Variants in ATP9A observed in about 807,000 individuals in gnomAD.
ATP9A encodes the protein ATPase phospholipid transporting 9A.
In ATP9A, 52 loss-of-function variants were observed where a neutral mutation model predicts 144.1. The ratio of observed to expected loss-of-function variants is 0.36; its 90% CI spans 0.29 to 0.45. ATP9A has a LOEUF of 0.45. Ranked by LOEUF, ATP9A falls within the 20% of genes least tolerant of loss-of-function variation. ATP9A has a pLI of 1.00. For synonymous variants in ATP9A, 582 were observed against 557.4 expected, an observed-to-expected ratio of 1.04 and a Z score of -0.62; for missense variants, 947 against 1,392.7, an observed-to-expected ratio of 0.68 and a Z score of 5.09.
chr20:51,757,269 C>T (rs2077860514), intron 1 of ATP9A, among the ~76,000 whole-genome samples: 1 of 152,120 alleles, frequency 6.6e-6, no homozygotes, highest in Non-Finnish European at 1.5e-5. Context: ...CCACCCACCT[C>T]GGCCTCCCAA....
rs958306562 is a variant in ATP9A, at chr20:51,673,806, T to C, written c.1037+347A>G. ...GGCTCACACCTACAATCCCAGTACC[T>C]TGGGAGGCTGAGTCAGGTAGATCAC... On this transcript the variant is annotated intron_variant, in intron 11 of 27. Transcript: ENST00000338821. 2.0e-5 allele frequency among the ~76,000 whole-genome samples: 3 copies of C among 151,982 alleles called. No homozygotes were observed. The East Asian group carries it at 5.8e-4, about 29-fold the overall frequency.
chr20:51,604,288 C>T (rs1030895340), intron 27 of ATP9A, among the ~76,000 whole-genome samples: 4 of 152,164 alleles, frequency 2.6e-5, no homozygotes, highest in East Asian at 3.9e-4. Flanking sequence ...GGTGCTCCCA[C>T]GTCTACGGAA....
rs889482741 is a variant in ATP9A, at chr20:51,626,896, A to C, written c.1845+704T>G. ...ATATGGTGAAACCCCATCTCTATTA[A>C]AAATACAAAAATTAGCCGGGCATGG... On this transcript the variant is annotated intron_variant, in intron 17 of 27. Coordinates refer to ENST00000338821, the MANE Select transcript of ATP9A (RefSeq NM_006045.3). Among the ~76,000 whole-genome samples the C allele has an allele frequency of 2.0e-5, 3 of 152,084 alleles. No individual in the cohort carries two copies. The South Asian group carries it at 6.2e-4, about 32-fold the overall frequency.
rs73911379 is a variant in ATP9A, at chr20:51,713,225, G to A, written c.328-151C>T. 606 of 674,344 alleles carry A rather than the reference G, an allele frequency of 9.0e-4. 4 individuals are homozygous for A. The highest frequency in any genetic ancestry group is 8.7e-3 in the African/African-American group (494 of 56,858). The allele number at this position is 674,344 out of a possible 1,614,324, so 41.8% of individuals were successfully genotyped here. A position where few individuals can be genotyped will look rare whatever the true frequency, so the allele number is the denominator to read the frequency against. ...GTGAGTTATTCCAAATGCACACGCC[G>A]CTGCAAGCCCCCTCTCTGAATCTGT... On this transcript the variant is annotated intron_variant, in intron 3 of 27. Transcript: ENST00000338821.
At chr20:51,682,753 G>A (rs1361029777) in intron 9 of ATP9A, among the ~76,000 whole-genome samples, 5 of 147,760 alleles carry the variant, frequency 3.4e-5, no homozygotes, top group East Asian at 2.1e-4. Flanking sequence ...CACCACACCC[G>A]GCTAATTTTT....
chr20:51,760,270 T>C (rs1172571921), intron 1 of ATP9A, among the ~76,000 whole-genome samples: 1 of 144,620 alleles, frequency 6.9e-6, no homozygotes, highest in Admixed American at 7.0e-5. Context: ...ACATTAAATA[T>C]GCGGTTTTTA....
chr20:51,671,469 T>C (rs2077455712), intron 11 of ATP9A, among the ~76,000 whole-genome samples: 1 of 152,182 alleles, frequency 6.6e-6, no homozygotes, highest in South Asian at 2.1e-4. Flanking sequence ...ACAAAGCTCA[T>C]GTTATGGACT....
intron 13 of ATP9A, among the ~76,000 whole-genome samples, chr20:51,666,623 T>A (rs2077433954): frequency 6.8e-6 from 1 of 147,130 alleles, no homozygotes; most frequent in Non-Finnish European, 1.5e-5. Context: ...GAGGTTGCAG[T>A]GAGCCGAGAT....
intron 1 of ATP9A, among the ~76,000 whole-genome samples, chr20:51,738,231 T>C (rs1356855525): frequency 2.0e-5 from 3 of 152,042 alleles, no homozygotes; most frequent in African/African-American, 7.2e-5. Flanking sequence ...GGTTTCACCA[T>C]GTTGGTCAGG....
At chr20:51,619,869 CAAAAAAAAA>C (rs564118011) in intron 19 of ATP9A, among the ~76,000 whole-genome samples, 1 of 83,906 alleles carries the variant, frequency 1.2e-5, no homozygotes. Context: ...AACTCTGTCT[CAAAAAAAAA>C]AAAAAAAAAA....
intron 9 of ATP9A, among the ~76,000 whole-genome samples, chr20:51,681,682 A>G (rs2077500383): frequency 6.6e-6 from 1 of 152,112 alleles, no homozygotes; most frequent in African/African-American, 2.4e-5. Context: ...TCAGCCTCCC[A>G]AAGTGCTGGG....
chr20:51,674,783 T>G (rs1243370410), intron 10 of ATP9A, among the ~76,000 whole-genome samples: 2 of 152,138 alleles, frequency 1.3e-5, no homozygotes, highest in Non-Finnish European at 2.9e-5. Flanking sequence ...ACACCAGTGG[T>G]GGCACCCGAT....
intron 1 of ATP9A, among the ~76,000 whole-genome samples, chr20:51,737,586 T>A (rs1033360431): frequency 4.6e-5 from 7 of 152,198 alleles, no homozygotes; most frequent in African/African-American, 1.7e-4. Flanking sequence ...AAGATACTAC[T>A]CACAGTATTA....
rs192174012 is a variant in ATP9A, at chr20:51,644,299, G to C, written c.1507-4795C>G. Among the ~76,000 whole-genome samples the C allele has an allele frequency of 1.5e-3, 188 of 128,680 alleles. 1 individual carries two copies. The highest frequency in any genetic ancestry group is 5.5e-3 in the African/African-American group (184 of 33,360). The allele number at this position is 128,680 out of a possible 152,430, so 84.4% of individuals were successfully genotyped here. On this transcript the variant is annotated intron_variant, in intron 14 of 27. Coordinates refer to ENST00000338821, the MANE Select transcript of ATP9A (RefSeq NM_006045.3). ...TTTTTTTTTTTTTTTTTGAGACGGAGTCTCACTCTTTTGCCCAGGTTGGAG... is the reference window on the plus strand; with the variant it reads ...TTTTTTTTTTTTTTTTTGAGACGGACTCTCACTCTTTTGCCCAGGTTGGAG...
intron 19 of ATP9A, among the ~76,000 whole-genome samples, chr20:51,619,283 G>A (rs1330096469): frequency 1.3e-5 from 2 of 152,198 alleles, no homozygotes; most frequent in African/African-American, 4.8e-5. Context: ...GCCTGTACTG[G>A]CCAAGCGCAG....
chr20:51,759,390 C>T (rs578135074), intron 1 of ATP9A, among the ~76,000 whole-genome samples: 12 of 152,286 alleles, frequency 7.9e-5, no homozygotes, highest in East Asian at 1.9e-4. Context: ...TGTACACACA[C>T]GGCCGGGTGC....
At chr20:51,759,917 G>C (rs114525132) in intron 1 of ATP9A, among the ~76,000 whole-genome samples, 4 of 151,968 alleles carry the variant, frequency 2.6e-5, no homozygotes, top group African/African-American at 7.3e-5. Context: ...TAATGGATGC[G>C]TGCAGTGTAG....
intron 1 of ATP9A, among the ~76,000 whole-genome samples, chr20:51,737,055 TCA>T (rs766916814): frequency 3.8e-4 from 58 of 152,306 alleles, no homozygotes; most frequent in Middle Eastern, 3.4e-3. Context: ...CCCAGAGGAC[TCA>T]GTGACCTGCC....
chr20:51,610,250 A>AT, intron 23 of ATP9A, 85 bp from the exon 24 acceptor site: 3 of 1,117,246 alleles, frequency 2.7e-6, no homozygotes, highest in Non-Finnish European at 4.0e-6. Flanking sequence ...CCTGATACTT[A>AT]CATAACACCC....
Sources: gnomAD v4.1 joint callset for allele counts (sites outside exome capture counted in the v4.1 genomes callset) on GRCh38, gnomAD v4.1.1 for gene constraint, MANE v1.5 for transcripts, NCBI Gene and HGNC (gene_info 2026-07-23, HGNC 2026-07-21) for gene names.